FBXO42: variants seen among roughly 807,000 people sequenced by gnomAD.
FBXO42 encodes the protein F-box protein 42.
FBXO42 carries 12 observed loss-of-function variants against 71.7 expected under a neutral mutation model. The observed-to-expected ratio is 0.17, with a 90% confidence interval of 0.11 to 0.27. The LOEUF (loss-of-function observed/expected upper bound fraction) is 0.27. Among genes scored for constraint, FBXO42 ranks in the 10% least tolerant of loss-of-function variants. FBXO42 has a pLI of 1.00. For synonymous variants in FBXO42, 325 were observed against 327.5 expected (o/e 0.99, Z 0.08); for missense variants, 707 against 911.9 (o/e 0.78, Z 2.89).
rs371423952 is a variant in FBXO42, at chr1:16,315,203, G to A, written c.216C>T (p.Ala72=). Residue 72 remains alanine, a synonymous_variant, in exon 2 of 10, where the codon GCC becomes GCT. Coordinates refer to ENST00000375592, the MANE Select transcript of FBXO42 (RefSeq NM_018994.3). ...GTCGATACCACTGTTTGCAGACAAG[G>A]GCCGCAGTTTTGTGTTCCTGATACG... The part of the protein sequence containing the change: ...LSPYQEHKTA[A]LVCKQWYRLI... 181 of 1,613,890 alleles carry A rather than the reference G, an allele frequency of 1.1e-4. No individual in the cohort carries two copies. Among genetic ancestry groups the A allele is most frequent in the Non-Finnish European group, 1.4e-4 (168 of 1,179,932 alleles).
At chr1:16,276,738 C>T (rs1018657631) in intron 4 of FBXO42, among the ~76,000 whole-genome samples, 1 of 152,128 alleles carries the variant, frequency 6.6e-6, no homozygotes, top group Admixed American at 6.5e-5. Flanking sequence ...TACATGGATA[C>T]CTGAGAATAA....
intron 4 of FBXO42, among the ~76,000 whole-genome samples, chr1:16,270,276 C>A (rs892508416): frequency 6.6e-6 from 1 of 152,188 alleles, no homozygotes; most frequent in Non-Finnish European, 1.5e-5. Context: ...CCTCTCAATA[C>A]TGCTACACTG....
chr1:16,312,311 A>G (rs1364931572), intron 2 of FBXO42, among the ~76,000 whole-genome samples: 1 of 152,148 alleles, frequency 6.6e-6, no homozygotes, highest in Non-Finnish European at 1.5e-5. Flanking sequence ...GCAGTGAGCC[A>G]AAATCGCACC....
At chr1:16,349,991 T>C (rs1288270116) in intron 1 of FBXO42, among the ~76,000 whole-genome samples, 6 of 152,230 alleles carry the variant, frequency 3.9e-5, no homozygotes, top group Non-Finnish European at 8.8e-5. Context: ...GACGTTTTGT[T>C]AGCATTTTCT....
chr1:16,323,765 G>GGGT (rs1299341674), intron 1 of FBXO42, among the ~76,000 whole-genome samples: 3 of 148,190 alleles, frequency 2.0e-5, no homozygotes, highest in African/African-American at 7.5e-5. Context: ...ACTCCAAGGT[G>GGGT]GGTGAGGTGA....
At chr1:16,269,386 G>T in intron 4 of FBXO42, among the ~76,000 whole-genome samples, 1 of 149,468 alleles carries the variant, frequency 6.7e-6, no homozygotes, top group East Asian at 2.0e-4. Flanking sequence ...ACCGAACCCA[G>T]ACTTTTTTTT....
Position 16,251,174 on chromosome 1 carries a change from G to C in FBXO42, c.1650C>G (p.Ala550=). ...TCCGACGCAGGGCACCTGGGGAGAC[G>C]GCCCCTGCAAGGGCACTGGCCACGT... The part of the protein sequence containing the change: ...PPHVASALAG[A]VSPGALRRSL... Residue 550 remains alanine, a synonymous_variant, in exon 10 of 10, where the codon GCC becomes GCG. Coordinates refer to ENST00000375592, the MANE Select transcript of FBXO42 (RefSeq NM_018994.3). This position sits in a 1 kb window ranked among gnomAD's most constrained non-coding sequence, Gnocchi z 4.5. 6.2e-7 allele frequency: 1 copy of C among 1,614,140 alleles called. No homozygotes were observed. Among genetic ancestry groups the C allele is most frequent in the Middle Eastern group, 1.6e-4 (1 of 6,062 alleles).
At chr1:16,325,666 G>GT (rs150651143) in intron 1 of FBXO42, among the ~76,000 whole-genome samples, 3,928 of 151,970 alleles carry the variant, frequency 0.026, 145 homozygotes, top group African/African-American at 0.091. Flanking sequence ...TTTTTTTGTT[G>GT]TTTTGTTTTT....
Position 16,250,093 on chromosome 1 carries a change from C to T in FBXO42, c.*577G>A, listed in dbSNP as rs1359250960. On this transcript the variant is annotated 3_prime_UTR_variant, in exon 10 of 10. Coordinates refer to ENST00000375592, the MANE Select transcript of FBXO42 (RefSeq NM_018994.3). This position sits in a 1 kb window ranked among gnomAD's most constrained non-coding sequence, Gnocchi z 4.7. ...ATAAAATCCTTTGTTGGGTAACTTTCCTCAGCCATAAAAGGCAAGAGGGGG... is the reference window on the plus strand; with the variant it reads ...ATAAAATCCTTTGTTGGGTAACTTTTCTCAGCCATAAAAGGCAAGAGGGGG... 1.3e-5 allele frequency: 2 copies of T among 152,252 alleles called. No homozygotes were observed. Among genetic ancestry groups the T allele is most frequent in the African/African-American group, 2.4e-5 (1 of 41,466 alleles). 9.4% of individuals were successfully genotyped at this position (152,252 alleles called of 1,614,324 possible).
intron 4 of FBXO42, among the ~76,000 whole-genome samples, chr1:16,274,907 T>C (rs1054880621): frequency 6.6e-6 from 1 of 152,070 alleles, no homozygotes. Context: ...TATGTCTTAA[T>C]AGAATAATAT....
chr1:16,272,675 C>T (rs1037788245), intron 4 of FBXO42, among the ~76,000 whole-genome samples: 46 of 152,168 alleles, frequency 3.0e-4, no homozygotes, highest in Non-Finnish European at 1.2e-4. Flanking sequence ...ACTTTGATCC[C>T]TAACTACCTT....
chr1:16,350,773 G>GAAAGAAAGAAAGAAAGA (rs2082696098), intron 1 of FBXO42, among the ~76,000 whole-genome samples: 1 of 142,374 alleles, frequency 7.0e-6, no homozygotes, highest in South Asian at 2.2e-4. Flanking sequence ...AAGAAAGAAA[G>GAAAGAAAGAAAGAAAGA]AAAGAAAGAA....
chr1:16,275,698 T>C (rs1354240179), intron 4 of FBXO42, among the ~76,000 whole-genome samples: 1 of 152,104 alleles, frequency 6.6e-6, no homozygotes, highest in Non-Finnish European at 1.5e-5. Context: ...GAATGAGAAA[T>C]AGCTTCTGAG....
intron 1 of FBXO42, among the ~76,000 whole-genome samples, chr1:16,330,243 G>C (rs2100606835): frequency 6.6e-6 from 1 of 152,292 alleles, no homozygotes; most frequent in South Asian, 2.1e-4. Context: ...AAAGTAGGCA[G>C]GGTGCAGGGG....
intron 5 of FBXO42, 69 bp from the exon 6 acceptor site, chr1:16,255,890 G>C: frequency 9.4e-7 from 1 of 1,065,600 alleles, no homozygotes; most frequent in East Asian, 2.5e-5. Context: ...TAGTAAGTAG[G>C]CATCCATTTA....
chr1:16,341,605 CT>C (rs1232956693), intron 1 of FBXO42, among the ~76,000 whole-genome samples: 17 of 62,272 alleles, frequency 2.7e-4, no homozygotes, highest in African/African-American at 6.7e-4. Context: ...GAGACTGCGT[CT>C]TTTAAAAAAA....
chr1:16,290,679 GAC>G (rs1329557413), intron 4 of FBXO42, among the ~76,000 whole-genome samples: 1 of 60,306 alleles, frequency 1.7e-5, no homozygotes, highest in African/African-American at 8.4e-5. Flanking sequence ...GTGACAGAGT[GAC>G]AAAAAAAAAA....
intron 2 of FBXO42, among the ~76,000 whole-genome samples, chr1:16,307,238 C>T (rs573954656): frequency 6.6e-6 from 1 of 152,258 alleles, no homozygotes; most frequent in African/African-American, 2.4e-5. Flanking sequence ...GTGGCTCACA[C>T]CTGTAATCCC....
chr1:16,344,935 C>T (rs539642620), intron 1 of FBXO42, among the ~76,000 whole-genome samples: 2 of 151,726 alleles, frequency 1.3e-5, no homozygotes, highest in Non-Finnish European at 2.9e-5. Context: ...CCCATCTCTA[C>T]TAAAAATACA....
Sources: gnomAD v4.1 joint callset for allele counts (sites outside exome capture counted in the v4.1 genomes callset) on GRCh38, gnomAD v4.1.1 for gene constraint, Gnocchi (gnomAD v3.1) non-coding constraint, MANE v1.5 for transcripts, NCBI Gene and HGNC (gene_info 2026-07-23, HGNC 2026-07-21) for gene names.